The following BRIP1 variants were observed in gnomAD, a reference collection of about 807,000 sequenced individuals.
The protein encoded by BRIP1 is Fanconi anemia group J protein.
In BRIP1, 88 loss-of-function variants were observed where a neutral mutation model predicts 119.7. That is an observed-to-expected ratio of 0.74 (90% confidence interval 0.62 to 0.88). The LOEUF is 0.88. Among genes scored for constraint, BRIP1 ranks in the 40% least tolerant of loss-of-function variants. The probability of loss-of-function intolerance (pLI) is 0.00; values close to 1 mark genes in which losing one functional copy is unlikely to be tolerated. For missense variants in BRIP1, 1,259 were observed against 1,455.4 expected, an observed-to-expected ratio of 0.87 and a Z score of 2.20; for synonymous variants, 443 against 496.5, an observed-to-expected ratio of 0.89 and a Z score of 1.43.
At position 61,776,225 on chromosome 17, in the gene BRIP1, G is replaced by C. The variant is rs2077530285; in HGVS notation, c.2097+176C>G. ...AAGTAAAACAGAGGTAGGACAATCA[G>C]GCAGTATCTTAATCAAAAAATAAGT... On this transcript the variant is annotated intron_variant, in intron 14 of 19. Coordinates refer to ENST00000259008, the MANE Select transcript of BRIP1 (RefSeq NM_032043.3). This position sits in a 1 kb window ranked among gnomAD's most constrained non-coding sequence, Gnocchi z 5.0. 1.5e-6 allele frequency: 1 copy of C among 688,804 alleles called. No homozygotes were observed. The highest frequency in any genetic ancestry group is 2.8e-5 in the Admixed American group (1 of 35,122). The allele number at this position is 688,804 out of a possible 1,614,324, so 42.7% of individuals were successfully genotyped here.
In BRIP1 at chr17:61,827,118, C is replaced by A. The variant is rs1329326291; in HGVS notation, c.628-18361G>T. 6.6e-6 allele frequency among the ~76,000 whole-genome samples: 1 copy of A among 151,996 alleles called. No homozygotes were observed. Among genetic ancestry groups the A allele is most frequent in the African/African-American group, 2.4e-5 (1 of 41,366 alleles). Reference sequence around the variant, plus strand: ...AAAAAAAATGAGACTGTGTCCTTTACAGAAACTTAGATAGAGCTGGAGACC... The same window carrying A: ...AAAAAAAATGAGACTGTGTCCTTTAAAGAAACTTAGATAGAGCTGGAGACC... On this transcript the variant is annotated intron_variant, in intron 6 of 19. Coordinates refer to ENST00000259008, the MANE Select transcript of BRIP1 (RefSeq NM_032043.3). The surrounding 1 kb of genome is among the most constrained non-coding windows in gnomAD (Gnocchi z 5.8).
chr17:61,811,735 T>C (rs1441020533), intron 6 of BRIP1, among the ~76,000 whole-genome samples: 1 of 151,456 alleles, frequency 6.6e-6, no homozygotes, highest in Non-Finnish European at 1.5e-5. Flanking sequence ...GTGGATTGCT[T>C]TGGGTCAGGA....
rs937794814 is a variant in BRIP1, at chr17:61,768,225, A to G, written c.2097+8176T>C. Among the ~76,000 whole-genome samples, 1 of 152,222 alleles carries G rather than the reference A, an allele frequency of 6.6e-6. No homozygotes were observed. Among genetic ancestry groups the G allele is most frequent in the Non-Finnish European group, 1.5e-5 (1 of 68,038 alleles). Reference sequence around the variant, plus strand: ...AGTAAATAAAAATAAATGTGAAGTAAAGTTATGAGATTTCTCAGGAAGATC... The same window carrying G: ...AGTAAATAAAAATAAATGTGAAGTAGAGTTATGAGATTTCTCAGGAAGATC... On this transcript the variant is annotated intron_variant, in intron 14 of 19. Transcript: ENST00000259008. The surrounding 1 kb of genome is among the most constrained non-coding windows in gnomAD (Gnocchi z 5.0).
chr17:61,847,077 C>G (rs770722435), intron 6 of BRIP1, 24 bp downstream of exon 6: 1 of 1,613,204 alleles, frequency 6.2e-7, no homozygotes, highest in South Asian at 1.1e-5. Flanking sequence ...TTCTTTAAAA[C>G]TGAACAATGG....
rs1474748137 is a variant in BRIP1, at chr17:61,758,370, C to T, written c.2098-13779G>A. On this transcript the variant is annotated intron_variant, in intron 14 of 19. Coordinates refer to ENST00000259008, the MANE Select transcript of BRIP1 (RefSeq NM_032043.3). The surrounding 1 kb of genome is among the most constrained non-coding windows in gnomAD (Gnocchi z 5.3). ...AACTATAATGAAGTCAGTGCTCTTGCACTATTAGAATTCAGGCTGAGGGAA... is the reference window on the plus strand; with the variant it reads ...AACTATAATGAAGTCAGTGCTCTTGTACTATTAGAATTCAGGCTGAGGGAA... Among the ~76,000 whole-genome samples, 1 of 152,184 alleles carries T rather than the reference C, an allele frequency of 6.6e-6. No individual in the cohort carries two copies. Among genetic ancestry groups the T allele is most frequent in the Admixed American group, 6.5e-5 (1 of 15,270 alleles).
At chr17:61,817,564 C>A (rs964246519) in intron 6 of BRIP1, among the ~76,000 whole-genome samples, 2 of 152,186 alleles carry the variant, frequency 1.3e-5, no homozygotes, top group Admixed American at 1.3e-4. Context: ...TAAAGCAGCA[C>A]TACCCAACAG....
Position 61,729,987 on chromosome 17 carries a change from G to A in BRIP1, c.2379+13026C>T, listed in dbSNP as rs2076822787. Among the ~76,000 whole-genome samples the A allele has an allele frequency of 6.6e-6, 1 of 152,182 alleles. No homozygotes were observed. The highest frequency in any genetic ancestry group is 6.5e-5 in the Admixed American group (1 of 15,274). ...TTACCCAGTCCAAAATGTCAATAGT[G>A]CCAAGTTTGAGAAACACAGCTTGAA... On this transcript the variant is annotated intron_variant, in intron 16 of 19. Transcript: ENST00000259008. This position sits in a 1 kb window ranked among gnomAD's most constrained non-coding sequence, Gnocchi z 5.6.
At chr17:61,855,945 T>C (rs1015826453) in intron 4 of BRIP1, among the ~76,000 whole-genome samples, 14 of 151,940 alleles carry the variant, frequency 9.2e-5, no homozygotes, top group African/African-American at 3.4e-4. Flanking sequence ...AATAGGAAAA[T>C]CAAATCTACT....
chr17:61,823,909 G>A lies in BRIP1; in HGVS notation c.628-15152C>T, dbSNP rs1161322170. On this transcript the variant is annotated intron_variant, in intron 6 of 19. Transcript: ENST00000259008. This position sits in a 1 kb window ranked among gnomAD's most constrained non-coding sequence, Gnocchi z 4.8. Reference sequence around the variant, plus strand: ...GCTCACTGCAACCTCCGCCTCCTGGGTTCAAGTGATTCTCCTGCCTCAGAC... The same window carrying A: ...GCTCACTGCAACCTCCGCCTCCTGGATTCAAGTGATTCTCCTGCCTCAGAC... 6.6e-6 allele frequency among the ~76,000 whole-genome samples: 1 copy of A among 152,106 alleles called. No homozygotes were observed. The highest frequency in any genetic ancestry group is 1.9e-4 in the East Asian group (1 of 5,186).
At position 61,769,826 on chromosome 17, in the gene BRIP1, G is replaced by A. The variant is rs1183630667; in HGVS notation, c.2097+6575C>T. ...ACTAAAACATAAATTGACAGAAATA[G>A]TTAAAAGATAATATTGATGAATTGC... On this transcript the variant is annotated intron_variant, in intron 14 of 19. Transcript: ENST00000259008. This position sits in a 1 kb window ranked among gnomAD's most constrained non-coding sequence, Gnocchi z 4.9. 6.6e-6 allele frequency among the ~76,000 whole-genome samples: 1 copy of A among 152,130 alleles called. No individual in the cohort carries two copies. Among genetic ancestry groups the A allele is most frequent in the Non-Finnish European group, 1.5e-5 (1 of 68,030 alleles).
rs1201316764 is a variant in BRIP1, at chr17:61,798,258, A to T, written c.1340+842T>A. ...TAGGTCTTAACATGGAAAGGTCTCC[A>T]AAATACACTGGGAATTGAAAAAAGC... is the stretch of plus-strand genomic sequence containing the variant. On this transcript the variant is annotated intron_variant, in intron 9 of 19. Transcript: ENST00000259008. This position sits in a 1 kb window ranked among gnomAD's most constrained non-coding sequence, Gnocchi z 5.5. Among the ~76,000 whole-genome samples, 1 of 151,966 alleles carries T rather than the reference A, an allele frequency of 6.6e-6. No individual in the cohort carries two copies. Among genetic ancestry groups the T allele is most frequent in the Non-Finnish European group, 1.5e-5 (1 of 67,900 alleles).
At chr17:61,694,312 C>A (rs1315826919) in intron 17 of BRIP1, among the ~76,000 whole-genome samples, 1 of 152,048 alleles carries the variant, frequency 6.6e-6, no homozygotes, top group East Asian at 1.9e-4. Flanking sequence ...GTTGCCAATT[C>A]TGGACATTTC....
chr17:61,771,698 G>A (rs577462734), intron 14 of BRIP1, among the ~76,000 whole-genome samples: 5 of 152,274 alleles, frequency 3.3e-5, no homozygotes, highest in Admixed American at 1.3e-4. Context: ...GGTGGTTCAC[G>A]CCTGTGATCC....
At chr17:61,790,260 T>C (rs1341541370) in intron 10 of BRIP1, among the ~76,000 whole-genome samples, 1 of 152,196 alleles carries the variant, frequency 6.6e-6, no homozygotes, top group Non-Finnish European at 1.5e-5. Context: ...AAGATTCATC[T>C]AGAGCCAGGT....
rs1009717708 is a variant in BRIP1, at chr17:61,803,830, T to C, written c.919-2356A>G. Among the ~76,000 whole-genome samples, 1 of 152,144 alleles carries C rather than the reference T, an allele frequency of 6.6e-6. No individual in the cohort carries two copies. The highest frequency in any genetic ancestry group is 2.4e-5 in the African/African-American group (1 of 41,452). On this transcript the variant is annotated intron_variant, in intron 7 of 19. Coordinates refer to ENST00000259008, the MANE Select transcript of BRIP1 (RefSeq NM_032043.3). This position sits in a 1 kb window ranked among gnomAD's most constrained non-coding sequence, Gnocchi z 4.3. Reference sequence around the variant, plus strand: ...TTTAAAATTTTACCATTAATGTGAATAGATGTACCCTGTACTGTTAAATAG... The same window carrying C: ...TTTAAAATTTTACCATTAATGTGAACAGATGTACCCTGTACTGTTAAATAG...
chr17:61,817,174 A>G (rs2078248996), intron 6 of BRIP1, among the ~76,000 whole-genome samples: 1 of 152,194 alleles, frequency 6.6e-6, no homozygotes, highest in African/African-American at 2.4e-5. Context: ...CTACATGATT[A>G]TTAAATCCAA....
In BRIP1 at chr17:61,841,640, G is replaced by A. The variant is rs2078659020; in HGVS notation, c.627+5461C>T. On this transcript the variant is annotated intron_variant, in intron 6 of 19. Coordinates refer to ENST00000259008, the MANE Select transcript of BRIP1 (RefSeq NM_032043.3). The surrounding 1 kb of genome is among the most constrained non-coding windows in gnomAD (Gnocchi z 4.1). ...GACATTACGGAAAACAGCAATGGAG[G>A]CTTCTCAAAAACCTAAAAATATTAC... 6.6e-6 allele frequency among the ~76,000 whole-genome samples: 1 copy of A among 152,094 alleles called. No homozygotes were observed. The highest frequency in any genetic ancestry group is 1.5e-5 in the Non-Finnish European group (1 of 68,020).
Position 61,862,812 on chromosome 17 carries a change from T to C in BRIP1, c.-31+472A>G, listed in dbSNP as rs991458694. Reference sequence around the variant, plus strand: ...AGCCAATAATAACATTCACCACTGCTTGTGTGCTCCAAAAGAAGAACCATT... The same window carrying C: ...AGCCAATAATAACATTCACCACTGCCTGTGTGCTCCAAAAGAAGAACCATT... On this transcript the variant is annotated intron_variant, in intron 1 of 19. Coordinates refer to ENST00000259008, the MANE Select transcript of BRIP1 (RefSeq NM_032043.3). This position sits in a 1 kb window ranked among gnomAD's most constrained non-coding sequence, Gnocchi z 5.3. Among the ~76,000 whole-genome samples, 1 of 152,198 alleles carries C rather than the reference T, an allele frequency of 6.6e-6. No individual in the cohort carries two copies. Among genetic ancestry groups the C allele is most frequent in the East Asian group, 1.9e-4 (1 of 5,202 alleles).
chr17:61,812,879 T>G (rs2078184220), intron 6 of BRIP1, among the ~76,000 whole-genome samples: 1 of 152,150 alleles, frequency 6.6e-6, no homozygotes, highest in Non-Finnish European at 1.5e-5. Context: ...CTTGCCACTG[T>G]TCCTTTCACA....
Sources: allele counts gnomAD v4.1 joint callset (sites outside exome capture counted in the v4.1 genomes callset), GRCh38; gene constraint gnomAD v4.1.1; non-coding constraint Gnocchi (gnomAD v3.1); transcripts MANE v1.5; gene names NCBI Gene and HGNC (gene_info 2026-07-23, HGNC 2026-07-21).